The following ALCAM variants were observed in gnomAD, a reference collection of about 807,000 sequenced individuals.
ALCAM encodes CD166 antigen.
Under a neutral mutation model 70.9 loss-of-function variants are expected in ALCAM, and 30 were observed. That is an observed-to-expected ratio of 0.42 (90% CI 0.32 to 0.57). The LOEUF (loss-of-function observed/expected upper bound fraction) is 0.57, where lower values mean the gene tolerates loss of function less well. Among genes scored for constraint, ALCAM ranks in the 20% least tolerant of loss-of-function variants. The pLI, the probability that ALCAM is intolerant of heterozygous loss-of-function variation, is 0.11. For synonymous variants in ALCAM, 249 were observed against 242.5 expected, an observed-to-expected ratio of 1.03 and a Z score of -0.25; for missense variants, 591 against 695.1, an observed-to-expected ratio of 0.85 and a Z score of 1.68.
intron 1 of ALCAM, among the ~76,000 whole-genome samples, chr3:105,385,379 G>A (rs528054584): frequency 6.6e-6 from 1 of 151,598 alleles, no homozygotes; most frequent in South Asian, 2.1e-4. Flanking sequence ...AAGGGGAGAG[G>A]AATGAGTGGA....
intron 9 of ALCAM, among the ~76,000 whole-genome samples, chr3:105,546,720 G>A (rs2152630549): frequency 6.6e-6 from 1 of 151,494 alleles, no homozygotes; most frequent in Admixed American, 6.6e-5. Context: ...AGTATTCCCT[G>A]ATTATTGGTT....
At chr3:105,439,599 T>A (rs1163283765) in intron 1 of ALCAM, 2 of 152,234 alleles carry the variant, frequency 1.3e-5, no homozygotes, top group Middle Eastern at 3.2e-3. Flanking sequence ...GAATTGGGTA[T>A]GTGAATAATC....
chr3:105,573,286 C>T (rs927374790), intron 15 of ALCAM, among the ~76,000 whole-genome samples: 6 of 152,040 alleles, frequency 3.9e-5, no homozygotes, highest in Non-Finnish European at 5.9e-5. Context: ...AAGATGGTGC[C>T]ACTGCACTCC....
In ALCAM at chr3:105,540,078, A is replaced by G; in HGVS notation, c.834A>G (p.Pro278=). 1 of 1,611,828 alleles carries G rather than the reference A, an allele frequency of 6.2e-7. No individual in the cohort carries two copies. The highest frequency in any genetic ancestry group is 8.5e-7 in the Non-Finnish European group (1 of 1,178,500). The change falls in exon 7 of 16, where the codon CCA becomes CCG. Residue 278 remains proline, a synonymous_variant. Coordinates refer to ENST00000306107, the MANE Select transcript of ALCAM (RefSeq NM_001627.4). ...GCTTAGGGAATGGCAACCCTCCCCC[A>G]GAGGAATTTTTGTTTTACTTACCAG... is the stretch of plus-strand genomic sequence containing the variant. The part of the protein sequence containing the change: ...LKCLGNGNPP[P]EEFLFYLPGQ...
intron 14 of ALCAM, among the ~76,000 whole-genome samples, chr3:105,564,211 C>G (rs1056294315): frequency 6.6e-6 from 1 of 152,016 alleles, no homozygotes; most frequent in African/African-American, 2.4e-5. Flanking sequence ...AATATTCTTA[C>G]CCTTACTTAC....
chr3:105,407,030 C>A (rs1936253202), intron 1 of ALCAM, among the ~76,000 whole-genome samples: 1 of 151,948 alleles, frequency 6.6e-6, no homozygotes, highest in Non-Finnish European at 1.5e-5. Context: ...CTGAACAGAC[C>A]AATAACAAGC....
intron 1 of ALCAM, among the ~76,000 whole-genome samples, chr3:105,473,698 G>C (rs763575173): frequency 6.6e-6 from 1 of 151,484 alleles, no homozygotes; most frequent in Non-Finnish European, 1.5e-5. Flanking sequence ...TATATGCTTA[G>C]AGTTTCTCTC....
chr3:105,535,219 A>C (rs537917621), intron 6 of ALCAM, among the ~76,000 whole-genome samples: 1 of 152,144 alleles, frequency 6.6e-6, no homozygotes, highest in South Asian at 2.1e-4. Flanking sequence ...TAATAATAAG[A>C]TCAATTGCAT....
chr3:105,459,199 C>G (rs1297231645), intron 1 of ALCAM, among the ~76,000 whole-genome samples: 5 of 152,216 alleles, frequency 3.3e-5, no homozygotes, highest in Admixed American at 1.3e-4. Flanking sequence ...TTTGCATATT[C>G]TGGTGCTTCC....
intron 1 of ALCAM, among the ~76,000 whole-genome samples, chr3:105,456,605 A>G (rs16851172): frequency 0.16 from 24,396 of 152,144 alleles, 2,234 homozygotes; most frequent in East Asian, 0.38. Context: ...ATGTGGATGT[A>G]ACATTCAACC....
Position 105,575,896 on chromosome 3 carries a change from A to T in ALCAM, c.*1445A>T, listed in dbSNP as rs1296018311. On this transcript the variant is annotated 3_prime_UTR_variant, in exon 16 of 16. Transcript: ENST00000306107. ...GTTTGTTTCTTAGACTCATGAAATA[A>T]AAAATTATGAAGGCAATGAAAAATA... is the stretch of plus-strand genomic sequence containing the variant. 1 of 152,172 alleles carries T rather than the reference A, an allele frequency of 6.6e-6. No individual in the cohort carries two copies. Among genetic ancestry groups the T allele is most frequent in the African/African-American group, 2.4e-5 (1 of 41,448 alleles). 9.4% of individuals were successfully genotyped at this position (152,172 alleles called of 1,614,324 possible). A position where few individuals can be genotyped will look rare whatever the true frequency, so the allele number is the denominator to read the frequency against.
intron 1 of ALCAM, among the ~76,000 whole-genome samples, chr3:105,462,554 T>A (rs1051249911): frequency 6.6e-6 from 1 of 151,528 alleles, no homozygotes; most frequent in Non-Finnish European, 1.5e-5. Flanking sequence ...GGACCCATAT[T>A]TGACAGTGTA....
intron 1 of ALCAM, among the ~76,000 whole-genome samples, chr3:105,465,857 C>T (rs188238584): frequency 6.0e-5 from 9 of 151,226 alleles, no homozygotes; most frequent in East Asian, 3.9e-4. Context: ...AAGTCTAGAC[C>T]GCTGTGCATT....
intron 1 of ALCAM, among the ~76,000 whole-genome samples, chr3:105,473,259 G>A (rs1265434788): frequency 3.3e-5 from 5 of 151,516 alleles, no homozygotes; most frequent in Admixed American, 2.0e-4. Flanking sequence ...GTTCAATCAT[G>A]GGTTCAAACA....
Position 105,547,411 on chromosome 3 carries a change from CAAAG to C in ALCAM, c.1266_1269del (p.Lys423LeufsTer10). The stretch of plus-strand genomic sequence containing the variant: ...TCAGGCAAACCTCAAATAAAAATGA[CAAAG>C]AAAACTGATCCCAGTGGACTATCTA... On this transcript the variant is annotated frameshift_variant, in exon 11 of 16. Transcript: ENST00000306107. LOFTEE classifies it high-confidence loss of function. 1 of 1,605,828 alleles carries C rather than the reference CAAAG, an allele frequency of 6.2e-7. No individual in the cohort carries two copies. Among genetic ancestry groups the C allele is most frequent in the Non-Finnish European group, 8.5e-7 (1 of 1,176,398 alleles).
At position 105,545,234 on chromosome 3, in the gene ALCAM, T is replaced by G; in HGVS notation, c.1003T>G (p.Ser335Ala). 1 of 1,605,872 alleles carries G rather than the reference T, an allele frequency of 6.2e-7. No homozygotes were observed. Among genetic ancestry groups the G allele is most frequent in the South Asian group, 1.1e-5 (1 of 90,968 alleles). The stretch of plus-strand genomic sequence containing the variant: ...TTTCTGCTTCACAGATTTGGATTTG[T>G]CCTTAAACCCAAGTGGAGAAGTGAC... ...TAITVHYLDL[S>A]LNPSGEVTRQ... The change falls in exon 9 of 16, where the codon TCC becomes GCC. Residue 335 changes from serine to alanine, a missense_variant. Ser to Ala is a moderately conservative substitution (Grantham distance 99, BLOSUM62 1). Around this residue, in one of 2 missense-constraint regions of ALCAM, gnomAD observed 427 missense variants for 450.4 expected, o/e 0.95. Coordinates refer to ENST00000306107, the MANE Select transcript of ALCAM (RefSeq NM_001627.4).
intron 1 of ALCAM, among the ~76,000 whole-genome samples, chr3:105,367,728 C>G (rs1935103237): frequency 6.6e-6 from 1 of 152,170 alleles, no homozygotes; most frequent in African/African-American, 2.4e-5. Flanking sequence ...ACTTGGTGCT[C>G]CGGGGTGGGC....
chr3:105,530,139 T>TA (rs1181294792), intron 3 of ALCAM, among the ~76,000 whole-genome samples: 1 of 152,104 alleles, frequency 6.6e-6, no homozygotes, highest in South Asian at 2.1e-4. Flanking sequence ...AGGGTGTCAC[T>TA]AAATAACTGA....
At chr3:105,541,037 C>A (rs1234468803) in intron 7 of ALCAM, among the ~76,000 whole-genome samples, 3 of 151,918 alleles carry the variant, frequency 2.0e-5, no homozygotes, top group Non-Finnish European at 4.4e-5. Flanking sequence ...AGCAATAATA[C>A]CTGCTGAATA....
Sources: gnomAD v4.1 joint callset for allele counts (sites outside exome capture counted in the v4.1 genomes callset) on GRCh38, gnomAD v4.1.1 for gene constraint, gnomAD v4.1.1 regional missense constraint, MANE v1.5 for transcripts, NCBI Gene and HGNC (gene_info 2026-07-23, HGNC 2026-07-21) for gene names.